JAZF1: variants seen among roughly 807,000 people sequenced by gnomAD.
JAZF1 encodes JAZF zinc finger 1, also known as juxtaposed with another zinc finger protein 1.
A neutral mutation model predicts 26.4 loss-of-function variants in JAZF1; 8 were observed. That is an observed-to-expected ratio of 0.30 (90% CI 0.18 to 0.55). The LOEUF is 0.55. Ranked by LOEUF, JAZF1 falls within the 20% of genes least tolerant of loss-of-function variation. JAZF1 has a pLI of 0.94. For synonymous variants in JAZF1, 126 were observed against 122.3 expected (o/e 1.03, Z -0.20); for missense variants, 199 against 322.0 (o/e 0.62, Z 2.92).
chr7:28,140,866 T>G (rs1038335101), intron 1 of JAZF1, among the ~76,000 whole-genome samples: 1 of 137,668 alleles, frequency 7.3e-6, no homozygotes, highest in African/African-American at 2.8e-5. Flanking sequence ...TTAAAATCAC[T>G]GACTTCAAGA....
intron 1 of JAZF1, among the ~76,000 whole-genome samples, chr7:28,133,978 G>A (rs1048313124): frequency 2.6e-5 from 4 of 151,974 alleles, no homozygotes; most frequent in African/African-American, 9.7e-5. Flanking sequence ...TAGCACTTAG[G>A]CCTATAAGAA....
chr7:27,918,193 T>C (rs1465743196), intron 2 of JAZF1, among the ~76,000 whole-genome samples: 1 of 152,224 alleles, frequency 6.6e-6, no homozygotes, highest in Non-Finnish European at 1.5e-5. Context: ...TACTGCAGTA[T>C]AATCAAACCC....
At chr7:28,101,573 T>C (rs4236327) in intron 1 of JAZF1, among the ~76,000 whole-genome samples, 128,228 of 128,364 alleles carry the variant, frequency 1, 64,047 homozygotes, top group Non-Finnish European at 1. Flanking sequence ...CTCATTTCTA[T>C]ATTAAAAAAA....
intron 2 of JAZF1, among the ~76,000 whole-genome samples, chr7:27,901,588 T>G (rs767333575): frequency 6.6e-6 from 1 of 152,128 alleles, no homozygotes; most frequent in African/African-American, 2.4e-5. Flanking sequence ...ACTCAGAAAC[T>G]GAAGTGACCA....
At chr7:28,005,087 T>C (rs566757475) in intron 1 of JAZF1, among the ~76,000 whole-genome samples, 14 of 152,296 alleles carry the variant, frequency 9.2e-5, no homozygotes, top group African/African-American at 3.4e-4. Flanking sequence ...CAAATCACAA[T>C]CTTTGAATTG....
chr7:28,005,951 C>A (rs1389846705), intron 1 of JAZF1, among the ~76,000 whole-genome samples: 2 of 151,454 alleles, frequency 1.3e-5, no homozygotes, highest in African/African-American at 2.4e-5. Context: ...CAGTCTGCTA[C>A]TTTCTGTGTG....
chr7:27,895,164 C>A, intron 3 of JAZF1, 56 bp downstream of exon 3: 1 of 1,234,896 alleles, frequency 8.1e-7, no homozygotes, highest in African/African-American at 1.5e-5. Flanking sequence ...ACATCACACA[C>A]ACTTTCTCTT....
At chr7:28,098,756 G>A (rs1337351376) in intron 1 of JAZF1, among the ~76,000 whole-genome samples, 2 of 152,136 alleles carry the variant, frequency 1.3e-5, no homozygotes, top group Non-Finnish European at 2.9e-5. Flanking sequence ...CGCTAACACT[G>A]ACTGTGTACT....
At chr7:28,152,045 G>A (rs190610720) in intron 1 of JAZF1, among the ~76,000 whole-genome samples, 34 of 152,018 alleles carry the variant, frequency 2.2e-4, no homozygotes, top group African/African-American at 6.7e-4. Flanking sequence ...ATGTCTTTAC[G>A]TAGTTTCGTC....
intron 1 of JAZF1, among the ~76,000 whole-genome samples, chr7:28,065,762 A>G (rs193041603): frequency 1.5e-4 from 23 of 152,228 alleles, no homozygotes; most frequent in Admixed American, 1.1e-3. Context: ...TATGAGTCCT[A>G]TATTTGTCCT....
chr7:28,133,596 C>T (rs996715675), intron 1 of JAZF1, among the ~76,000 whole-genome samples: 9 of 152,208 alleles, frequency 5.9e-5, no homozygotes, highest in African/African-American at 2.2e-4. Context: ...TAGAACCAGG[C>T]TTCCACTTGA....
At chr7:28,045,915 A>C (rs974403947) in intron 1 of JAZF1, among the ~76,000 whole-genome samples, 12 of 152,172 alleles carry the variant, frequency 7.9e-5, no homozygotes, top group African/African-American at 2.9e-4. Context: ...TGGCCTTAAA[A>C]ATTACAAAAT....
At chr7:28,059,723 A>C (rs1345708003) in intron 1 of JAZF1, among the ~76,000 whole-genome samples, 10 of 152,096 alleles carry the variant, frequency 6.6e-5, no homozygotes, top group Non-Finnish European at 1.2e-4. Flanking sequence ...CTCATTTTTG[A>C]AAGACAGATT....
chr7:28,077,534 T>G (rs1784071008), intron 1 of JAZF1, among the ~76,000 whole-genome samples: 1 of 150,104 alleles, frequency 6.7e-6, no homozygotes, highest in Non-Finnish European at 1.5e-5. Flanking sequence ...AACAAATAAA[T>G]AAAAGCACTT....
In JAZF1 at chr7:28,110,645, G is replaced by A. The variant is rs77623436; in HGVS notation, c.115+69818C>T. ...GAAAGGAAAGGAAAGGAAAAGGAAA[G>A]GAAAGGAAAGGAAAAGAAAAGTTAG... On this transcript the variant is annotated intron_variant, in intron 1 of 4. Transcript: ENST00000283928. Among the ~76,000 whole-genome samples the A allele has an allele frequency of 3.5e-3, 532 of 151,348 alleles. 3 individuals carry two copies. Among genetic ancestry groups the A allele is most frequent in the Admixed American group, 7.2e-3 (108 of 15,100 alleles).
intron 3 of JAZF1, among the ~76,000 whole-genome samples, chr7:27,847,151 C>CTTTTT (rs80005826): frequency 1.5e-5 from 2 of 136,336 alleles, no homozygotes; most frequent in Non-Finnish European, 1.6e-5. Flanking sequence ...GGCTTTTTTT[C>CTTTTT]TTTTTTTTTT....
intron 2 of JAZF1, among the ~76,000 whole-genome samples, chr7:27,898,130 T>C (rs138609585): frequency 6.6e-6 from 1 of 152,080 alleles, no homozygotes; most frequent in East Asian, 1.9e-4. Flanking sequence ...CACCCATGGC[T>C]CTGAAAGCAC....
At chr7:28,113,691 A>G (rs1474423731) in intron 1 of JAZF1, among the ~76,000 whole-genome samples, 1 of 152,214 alleles carries the variant, frequency 6.6e-6, no homozygotes, top group Non-Finnish European at 1.5e-5. Flanking sequence ...GATGTGAAGT[A>G]GCTTGCGAAG....
intron 1 of JAZF1, among the ~76,000 whole-genome samples, chr7:28,114,061 T>C (rs958657449): frequency 3.9e-5 from 6 of 152,246 alleles, no homozygotes; most frequent in African/African-American, 1.4e-4. Context: ...CATTTCTTTT[T>C]AGAACAAAAG....
Sources: allele counts gnomAD v4.1 joint callset (sites outside exome capture counted in the v4.1 genomes callset), GRCh38; gene constraint gnomAD v4.1.1; transcripts MANE v1.5; gene names NCBI Gene and HGNC (gene_info 2026-07-23, HGNC 2026-07-21).